MACROD2: variants seen among roughly 807,000 people sequenced by gnomAD.
The protein encoded by MACROD2 is ADP-ribose glycohydrolase MACROD2.
In MACROD2, 36 loss-of-function variants were observed where a neutral mutation model predicts 70.4. That is an observed-to-expected ratio of 0.51 (90% confidence interval 0.39 to 0.68). The LOEUF (loss-of-function observed/expected upper bound fraction) is 0.68, where lower values mean the gene tolerates loss of function less well. MACROD2 is among the 30% of genes least tolerant of loss of function. The pLI, the probability that MACROD2 is intolerant of heterozygous loss-of-function variation, is 0.00. For missense variants in MACROD2, 496 were observed against 538.4 expected, an observed-to-expected ratio of 0.92 and a Z score of 0.78; for synonymous variants, 172 against 178.8, an observed-to-expected ratio of 0.96 and a Z score of 0.30.
chr20:14,422,003 T>A (rs946182528), intron 3 of MACROD2, among the ~76,000 whole-genome samples: 11 of 152,190 alleles, frequency 7.2e-5, no homozygotes, highest in African/African-American at 2.7e-4. Context: ...AGTCTTCGAC[T>A]ATTATCTCCC....
chr20:14,783,178 A>ATCTTTCTAAATCC (rs1285969506), intron 5 of MACROD2, among the ~76,000 whole-genome samples: 1 of 152,152 alleles, frequency 6.6e-6, no homozygotes, highest in African/African-American at 2.4e-5. Flanking sequence ...TTATGCTGTA[A>ATCTTTCTAAATCC]TCTTTCTAAA....
intron 15 of MACROD2, among the ~76,000 whole-genome samples, chr20:16,040,550 T>C (rs1890780109): frequency 6.6e-6 from 1 of 151,954 alleles, no homozygotes; most frequent in Non-Finnish European, 1.5e-5. Context: ...GGAAATGTTT[T>C]TACAATATGA....
chr20:14,259,196 C>T (rs756130508), intron 3 of MACROD2, among the ~76,000 whole-genome samples: 4 of 152,180 alleles, frequency 2.6e-5, no homozygotes, highest in African/African-American at 4.8e-5. Flanking sequence ...CCGCCTTGGC[C>T]TCCCAAAGTG....
chr20:15,716,417 C>G (rs2050708482), intron 8 of MACROD2, among the ~76,000 whole-genome samples: 2 of 152,068 alleles, frequency 1.3e-5, no homozygotes, highest in African/African-American at 4.8e-5. Context: ...TGTTCCAGAC[C>G]CATTTCTATA....
intron 8 of MACROD2, among the ~76,000 whole-genome samples, chr20:15,571,110 A>G (rs1235971762): frequency 6.6e-6 from 1 of 152,180 alleles, no homozygotes; most frequent in African/African-American, 2.4e-5. Flanking sequence ...CTCTTAAGGT[A>G]TATTTTAATC....
chr20:15,885,637 T>G, intron 9 of MACROD2, 127 bp from the exon 10 acceptor site: 1 of 855,762 alleles, frequency 1.2e-6, no homozygotes, highest in Non-Finnish European at 1.6e-6. Context: ...AAATGCATGT[T>G]TTAACAGTCT....
intron 3 of MACROD2, among the ~76,000 whole-genome samples, chr20:14,380,948 C>A (rs1445366130): frequency 3.3e-5 from 5 of 152,004 alleles, no homozygotes. Context: ...TTTATTTGTC[C>A]AGGCTTGTAT....
At chr20:14,601,016 G>A (rs1343562737) in intron 4 of MACROD2, among the ~76,000 whole-genome samples, 2 of 152,086 alleles carry the variant, frequency 1.3e-5, no homozygotes, top group Non-Finnish European at 2.9e-5. Flanking sequence ...GAGACCTTGG[G>A]GAAGTGTCTT....
rs116882607 is a variant in MACROD2, at chr20:15,035,887, T to C, written c.419-194053T>C. ...CACTGCCAGCCCTGCTCCCCCTTTT[T>C]TTTTCCTAGTGTCATTTCTTTTAGG... On this transcript the variant is annotated intron_variant, in intron 5 of 17. Coordinates refer to ENST00000684519, the MANE Select transcript of MACROD2 (RefSeq NM_001351661.2). Among the ~76,000 whole-genome samples the C allele has an allele frequency of 5.2e-4, 79 of 152,226 alleles. No individual in the cohort carries two copies. The East Asian group carries it at 0.013, about 26-fold the overall frequency.
At chr20:14,456,292 C>T (rs4630827) in intron 3 of MACROD2, among the ~76,000 whole-genome samples, 23,671 of 151,788 alleles carry the variant, frequency 0.16, 2,674 homozygotes, top group Non-Finnish European at 0.23. Context: ...ATCATCTTTG[C>T]TCAGTCTGCT....
At chr20:14,368,498 G>C (rs204641) in intron 3 of MACROD2, among the ~76,000 whole-genome samples, 5,285 of 151,276 alleles carry the variant, frequency 0.035, 308 homozygotes, top group African/African-American at 0.12. Flanking sequence ...AGCCGAGATC[G>C]CACCACTGCA....
chr20:14,678,548 CTT>C (rs1252373119), intron 4 of MACROD2, among the ~76,000 whole-genome samples: 1 of 152,000 alleles, frequency 6.6e-6, no homozygotes, highest in Non-Finnish European at 1.5e-5. Context: ...TTTTTTCCCT[CTT>C]TTAGATTTCT....
intron 5 of MACROD2, among the ~76,000 whole-genome samples, chr20:14,862,839 G>A (rs1046560900): frequency 1.4e-5 from 2 of 147,738 alleles, no homozygotes; most frequent in Non-Finnish European, 3.0e-5. Flanking sequence ...GAAGAGAGCA[G>A]AAGTTGAGTT....
chr20:14,353,921 A>T (rs2083147953), intron 3 of MACROD2, among the ~76,000 whole-genome samples: 1 of 152,118 alleles, frequency 6.6e-6, no homozygotes, highest in Admixed American at 6.6e-5. Flanking sequence ...AGGAGGAAGG[A>T]GATACCTGAA....
At chr20:15,520,760 C>G (rs529172774) in intron 8 of MACROD2, among the ~76,000 whole-genome samples, 1 of 152,210 alleles carries the variant, frequency 6.6e-6, no homozygotes, top group African/African-American at 2.4e-5. Flanking sequence ...ATGTATGAAA[C>G]AGCAGGTGGG....
chr20:15,322,085 C>T (rs919082893), intron 6 of MACROD2, among the ~76,000 whole-genome samples: 10 of 143,972 alleles, frequency 6.9e-5, no homozygotes, highest in African/African-American at 2.5e-4. Context: ...GCCACTGCAC[C>T]CGGCCACTAC....
chr20:14,600,994 C>T (rs1259754151), intron 4 of MACROD2, among the ~76,000 whole-genome samples: 2 of 152,292 alleles, frequency 1.3e-5, no homozygotes, highest in Admixed American at 1.3e-4. Flanking sequence ...AAGCCTCTGT[C>T]TTGTTGACTA....
intron 4 of MACROD2, among the ~76,000 whole-genome samples, chr20:14,645,250 T>C (rs982030961): frequency 2.9e-4 from 44 of 152,254 alleles, no homozygotes; most frequent in African/African-American, 1.0e-3. Flanking sequence ...ATTTACAAAA[T>C]ATAAGTAAGA....
At chr20:14,757,629 C>T in intron 5 of MACROD2, 1 of 1,195,408 alleles carries the variant, frequency 8.4e-7, no homozygotes, top group Non-Finnish European at 1.2e-6. Context: ...GTCATGGTGG[C>T]CAAGGACATC....
Sources: gnomAD v4.1 joint callset for allele counts (sites outside exome capture counted in the v4.1 genomes callset) on GRCh38, gnomAD v4.1.1 for gene constraint, MANE v1.5 for transcripts, NCBI Gene and HGNC (gene_info 2026-07-23, HGNC 2026-07-21) for gene names.